Variants in PCDHGA5 observed in about 807,000 individuals in gnomAD.
The protein encoded by PCDHGA5 is protocadherin gamma-A5.
A neutral mutation model predicts 56.7 loss-of-function variants in PCDHGA5; 36 were observed. That is an observed-to-expected ratio of 0.64 (90% CI 0.49 to 0.84). The LOEUF is 0.84. Ranked by LOEUF, PCDHGA5 falls within the 40% of genes least tolerant of loss-of-function variation. The probability of loss-of-function intolerance (pLI) is 0.00; values close to 1 mark genes in which losing one functional copy is unlikely to be tolerated. For missense variants in PCDHGA5, 1,305 were observed against 1,201.5 expected, an observed-to-expected ratio of 1.09 and a Z score of -1.27; for synonymous variants, 563 against 520.2, an observed-to-expected ratio of 1.08 and a Z score of -1.12.
At chr5:141,450,831 T>TATA (rs761717068) in intron 1 of PCDHGA5, among the ~76,000 whole-genome samples, 3 of 144,648 alleles carry the variant, frequency 2.1e-5, no homozygotes, top group Non-Finnish European at 4.5e-5. Flanking sequence ...TTATTATTAT[T>TATA]TTTTTTTTTT....
intron 1 of PCDHGA5, chr5:141,427,965 C>T: frequency 6.3e-7 from 1 of 1,590,342 alleles, no homozygotes; most frequent in Non-Finnish European, 8.6e-7. Flanking sequence ...GCCGCGGGTG[C>T]TGTACCCCGC....
intron 1 of PCDHGA5, chr5:141,402,840 T>C: frequency 7.2e-7 from 1 of 1,388,218 alleles, no homozygotes; most frequent in Non-Finnish European, 9.5e-7. Flanking sequence ...GCAGCAAAAC[T>C]CAGCCTCTTT....
At position 141,366,416 on chromosome 5, in the gene PCDHGA5, G is replaced by T. The variant is rs767881897; in HGVS notation, c.2086G>T (p.Ala696Ser). 1 of 1,614,118 alleles carries T rather than the reference G, an allele frequency of 6.2e-7. No individual in the cohort carries two copies. The highest frequency in any genetic ancestry group is 8.5e-7 in the Non-Finnish European group (1 of 1,180,050). Residue 696 changes from alanine (A) to serine (S), a missense_variant, in exon 1 of 4, where the codon GCA becomes TCA. Physicochemically the swap from Ala to Ser is moderately conservative, Grantham distance 99. Transcript: ENST00000518069. The stretch of plus-strand genomic sequence containing the variant: ...GGACCTCACACTCTATCTTGTGGTG[G>T]CAGTGGCTGCAGTCTCCTGCGTCTT... ...DLDLTLYLVV[A>S]VAAVSCVFLA...
chr5:141,376,763 T>A (rs1300525391), intron 1 of PCDHGA5: 1 of 425,102 alleles, frequency 2.4e-6, no homozygotes. Context: ...CTCGGCTCAC[T>A]GCAAGCTCCG....
In PCDHGA5 at chr5:141,364,174, C is replaced by T; in HGVS notation, c.-157C>T. 7.3e-6 allele frequency: 6 copies of T among 816,492 alleles called. No homozygotes were observed. The highest frequency in any genetic ancestry group is 1.1e-5 in the Non-Finnish European group (6 of 570,000). 50.6% of individuals were successfully genotyped at this position (816,492 alleles called of 1,614,324 possible). On this transcript the variant is annotated 5_prime_UTR_variant, in exon 1 of 4. Transcript: ENST00000518069. ...CTGCCGCAGAGGCGACCCGACTCTG[C>T]TCCCTCCATACTAAACACACAGACC... is the stretch of plus-strand genomic sequence containing the variant.
intron 1 of PCDHGA5, among the ~76,000 whole-genome samples, chr5:141,406,353 T>G (rs1380718525): frequency 6.6e-6 from 1 of 152,196 alleles, no homozygotes; most frequent in Admixed American, 6.5e-5. Context: ...CAGGTCATAC[T>G]ATGTTTGTAA....
chr5:141,456,178 A>G (rs1216202318), intron 1 of PCDHGA5, among the ~76,000 whole-genome samples: 1 of 151,926 alleles, frequency 6.6e-6, no homozygotes, highest in African/African-American at 2.4e-5. Context: ...ATTACAGAAT[A>G]ATTTCTTAAT....
rs376466748 is a variant in PCDHGA5, at chr5:141,365,797, C to G, written c.1467C>G (p.Tyr489Ter). 5.6e-6 allele frequency: 9 copies of G among 1,613,860 alleles called. No individual in the cohort carries two copies. Among genetic ancestry groups the G allele is most frequent in the Non-Finnish European group, 6.8e-6 (8 of 1,179,912 alleles). ...GCGGCGACAACGCTCGAGTCACCTA[C>G]TCCCTGGCTGAAGACACATTTCAGG... ...PDSGDNARVT[Y>*]SLAEDTFQGA... The change falls in exon 1 of 4, where the codon TAC (tyrosine) becomes TAG (stop). Residue 489 changes from tyrosine (Y) to a stop codon, truncating the protein, a stop_gained. Coordinates refer to ENST00000518069, the MANE Select transcript of PCDHGA5 (RefSeq NM_018918.3). LOFTEE classifies it high-confidence loss of function.
intron 1 of PCDHGA5, chr5:141,430,796 C>T (rs1347347402): frequency 6.6e-6 from 10 of 1,522,232 alleles, no homozygotes; most frequent in Non-Finnish European, 8.8e-6. Flanking sequence ...CTACAAAGGG[C>T]TTGTCCTGCT....
At chr5:141,472,046 A>T (rs945911971) in intron 1 of PCDHGA5, among the ~76,000 whole-genome samples, 4 of 152,210 alleles carry the variant, frequency 2.6e-5, no homozygotes, top group Non-Finnish European at 4.4e-5. Context: ...AAAAGATTTT[A>T]AAAATGATTG....
At chr5:141,379,960 T>C (rs1490584684) in intron 1 of PCDHGA5, among the ~76,000 whole-genome samples, 1 of 140,094 alleles carries the variant, frequency 7.1e-6, no homozygotes, top group East Asian at 2.3e-4. Flanking sequence ...AATGCAGTGG[T>C]GTGATCTCTG....
Position 141,489,793 on chromosome 5 carries a change from C to T in PCDHGA5, c.2422-5014C>T, listed in dbSNP as rs749700050. On this transcript the variant is annotated intron_variant, in intron 1 of 3. Transcript: ENST00000518069. The surrounding 1 kb of genome is among the most constrained non-coding windows in gnomAD (Gnocchi z 4.5). ...CCACTTCTCTCTGAATGTGAAGACC[C>T]TAAAAGATGGGAAGCCATTCCCAGA... The T allele has an allele frequency of 6.2e-7, 1 of 1,614,044 alleles. No homozygotes were observed. Among genetic ancestry groups the T allele is most frequent in the Non-Finnish European group, 8.5e-7 (1 of 1,180,010 alleles).
In PCDHGA5 at chr5:141,511,519, C is replaced by G; in HGVS notation, c.*346C>G. 2.7e-6 allele frequency: 1 copy of G among 367,516 alleles called. No homozygotes were observed. Among genetic ancestry groups the G allele is most frequent in the African/African-American group, 2.1e-5 (1 of 48,286 alleles). 22.8% of individuals were successfully genotyped at this position (367,516 alleles called of 1,614,324 possible). A position where few individuals can be genotyped will look rare whatever the true frequency, so the allele number is the denominator to read the frequency against. ...CCAAATCAATCAGGCCCATCCATCC[C>G]ATGCCTCCCTCCTCCCCACCCCACT... On this transcript the variant is annotated 3_prime_UTR_variant, in exon 4 of 4. Coordinates refer to ENST00000518069, the MANE Select transcript of PCDHGA5 (RefSeq NM_018918.3).
intron 1 of PCDHGA5, among the ~76,000 whole-genome samples, chr5:141,462,399 T>C (rs2099038838): frequency 6.6e-6 from 1 of 152,236 alleles, no homozygotes; most frequent in South Asian, 2.1e-4. Flanking sequence ...ATTTCTTTTA[T>C]GGCACAGAAT....
chr5:141,447,648 T>A (rs1262852729), intron 1 of PCDHGA5, among the ~76,000 whole-genome samples: 3 of 152,164 alleles, frequency 2.0e-5, no homozygotes, highest in African/African-American at 4.8e-5. Flanking sequence ...ATGGTAGAAT[T>A]TTCCCCCCCA....
Position 141,487,297 on chromosome 5 carries a change from C to T in PCDHGA5, c.2422-7510C>T, listed in dbSNP as rs770262058. ...TTTGCTTTGTCTCCTTTGGCTCATT[C>T]GTGGCACTACTCTCTAAGTGTCTTC... On this transcript the variant is annotated intron_variant, in intron 1 of 3. Coordinates refer to ENST00000518069, the MANE Select transcript of PCDHGA5 (RefSeq NM_018918.3). This position sits in a 1 kb window ranked among gnomAD's most constrained non-coding sequence, Gnocchi z 5.0. The T allele has an allele frequency of 3.2e-5, 52 of 1,613,984 alleles. No homozygotes were observed. The highest frequency in any genetic ancestry group is 4.0e-5 in the African/African-American group (3 of 74,912).
At chr5:141,415,478 GA>G (rs1209443921) in intron 1 of PCDHGA5, 2 of 1,613,964 alleles carry the variant, frequency 1.2e-6, no homozygotes, top group Non-Finnish European at 1.7e-6. Context: ...GCGGACTCGC[GA>G]AAGAGTCACC....
chr5:141,372,863 G>T, intron 1 of PCDHGA5: 2 of 1,395,300 alleles, frequency 1.4e-6, no homozygotes, highest in Non-Finnish European at 1.9e-6. Context: ...TCAATTCATT[G>T]ATTTAGAGAT....
intron 1 of PCDHGA5, chr5:141,416,540 G>T (rs1439132249): frequency 6.6e-6 from 1 of 151,974 alleles, no homozygotes; most frequent in Non-Finnish European, 1.5e-5. Flanking sequence ...GTATAAGGAG[G>T]CAAACACCTG....
Sources: allele counts gnomAD v4.1 joint callset (sites outside exome capture counted in the v4.1 genomes callset), GRCh38; gene constraint gnomAD v4.1.1; non-coding constraint Gnocchi (gnomAD v3.1); transcripts MANE v1.5; gene names NCBI Gene and HGNC (gene_info 2026-07-23, HGNC 2026-07-21).